The following YAP1 variants were observed in gnomAD, a reference collection of about 807,000 sequenced individuals.
YAP1 encodes the protein transcriptional coactivator YAP1.
Under a neutral mutation model 56.9 loss-of-function variants are expected in YAP1, and 5 were observed. That is an observed-to-expected ratio of 0.09 (90% CI 0.05 to 0.18). The LOEUF (loss-of-function observed/expected upper bound fraction) is 0.18, where lower values mean the gene tolerates loss of function less well. Among genes scored for constraint, YAP1 ranks in the 10% least tolerant of loss-of-function variants. The pLI is 1.00. For missense variants in YAP1, 539 were observed against 651.8 expected, an observed-to-expected ratio of 0.83 and a Z score of 1.88; for synonymous variants, 265 against 248.1, an observed-to-expected ratio of 1.07 and a Z score of -0.64.
intron 3 of YAP1, among the ~76,000 whole-genome samples, chr11:102,176,807 G>A (rs1450251173): frequency 1.4e-5 from 2 of 144,670 alleles, no homozygotes; most frequent in Admixed American, 1.4e-4. Flanking sequence ...GAAAACAATG[G>A]AGGCTGGGAG....
intron 1 of YAP1, among the ~76,000 whole-genome samples, chr11:102,112,142 T>TA (rs1282679569): frequency 2.6e-5 from 4 of 152,202 alleles, no homozygotes; most frequent in African/African-American, 9.6e-5. Context: ...CCTTTGATAA[T>TA]ACACTGCAGG....
rs1459375551 is a variant in YAP1, at chr11:102,233,144, ATGT to A, written c.*3209_*3211del. The A allele has an allele frequency of 6.6e-6, 1 of 152,216 alleles. No homozygotes were observed. Among genetic ancestry groups the A allele is most frequent in the Admixed American group, 6.5e-5 (1 of 15,280 alleles). The allele number at this position is 152,216 out of a possible 1,614,324, so 9.4% of individuals were successfully genotyped here. A position where few individuals can be genotyped will look rare whatever the true frequency, so the allele number is the denominator to read the frequency against. On this transcript the variant is annotated 3_prime_UTR_variant, in exon 9 of 9. Coordinates refer to ENST00000282441, the MANE Select transcript of YAP1 (RefSeq NM_001130145.3). ...TCAGGTGGATTTTATCCTCGCAAGC[ATGT>A]TGTTATAAGAATTGTGGGTGTGCCT...
intron 4 of YAP1, among the ~76,000 whole-genome samples, chr11:102,204,125 A>T (rs776906448): frequency 2.0e-5 from 3 of 151,722 alleles, no homozygotes; most frequent in Middle Eastern, 3.4e-3. Flanking sequence ...TGAGCCAGGT[A>T]TGATGCTCGC....
At chr11:102,179,125 G>A (rs1421359567) in intron 3 of YAP1, among the ~76,000 whole-genome samples, 1 of 149,790 alleles carries the variant, frequency 6.7e-6, no homozygotes, top group East Asian at 2.0e-4. Context: ...GAAATTTGGA[G>A]GGGACAAACA....
At chr11:102,217,890 G>T (rs1236394886) in intron 6 of YAP1, among the ~76,000 whole-genome samples, 1 of 151,898 alleles carries the variant, frequency 6.6e-6, no homozygotes, top group African/African-American at 2.4e-5. Context: ...TAGTAGAGAC[G>T]GGGTTTCTCC....
At chr11:102,114,530 A>C in intron 2 of YAP1, 136 bp downstream of exon 2, 1 of 1,085,566 alleles carries the variant, frequency 9.2e-7, no homozygotes, top group Non-Finnish European at 1.3e-6. Flanking sequence ...CTGTAGCTCT[A>C]TCTTCCATAT....
intron 4 of YAP1, among the ~76,000 whole-genome samples, chr11:102,204,987 A>G (rs1949047993): frequency 1.3e-5 from 2 of 152,166 alleles, no homozygotes; most frequent in African/African-American, 4.8e-5. Context: ...TTGAATATGT[A>G]TCTGAAAAGG....
At chr11:102,168,223 A>G (rs934183641) in intron 3 of YAP1, among the ~76,000 whole-genome samples, 13 of 152,172 alleles carry the variant, frequency 8.5e-5, no homozygotes, top group African/African-American at 2.4e-4. Context: ...CTCTATGTGT[A>G]TGATATATAT....
intron 2 of YAP1, among the ~76,000 whole-genome samples, chr11:102,120,355 G>A (rs1433660462): frequency 6.6e-6 from 1 of 152,214 alleles, no homozygotes; most frequent in Non-Finnish European, 1.5e-5. Flanking sequence ...CTCCTAGCAT[G>A]AGAAGAATCA....
At chr11:102,167,514 C>G (rs1393242817) in intron 3 of YAP1, among the ~76,000 whole-genome samples, 2 of 152,106 alleles carry the variant, frequency 1.3e-5, no homozygotes, top group Admixed American at 6.5e-5. Flanking sequence ...GTGGGTGGAT[C>G]ATGAGGTCAA....
At chr11:102,111,264 G>T in intron 1 of YAP1, 95 bp downstream of exon 1, 2 of 1,454,856 alleles carry the variant, frequency 1.4e-6, no homozygotes, top group Non-Finnish European at 1.9e-6. Context: ...GGTCAGGGGA[G>T]GGGGGTTGCG....
At chr11:102,181,168 A>G (rs1019324223) in intron 3 of YAP1, among the ~76,000 whole-genome samples, 2 of 149,526 alleles carry the variant, frequency 1.3e-5, no homozygotes, top group African/African-American at 5.0e-5. Flanking sequence ...ATAATAGGCC[A>G]GGCTCGGTGG....
intron 3 of YAP1, among the ~76,000 whole-genome samples, chr11:102,184,800 A>G (rs1172941643): frequency 6.6e-6 from 1 of 152,154 alleles, no homozygotes; most frequent in African/African-American, 2.4e-5. Context: ...GTGGGAGATG[A>G]GTGAAAAGAA....
At chr11:102,148,903 A>G (rs1028324987) in intron 2 of YAP1, among the ~76,000 whole-genome samples, 4 of 152,182 alleles carry the variant, frequency 2.6e-5, no homozygotes, top group Non-Finnish European at 5.9e-5. Context: ...TTTAACTATA[A>G]TCTTTTAATA....
In YAP1 at chr11:102,164,398, T is replaced by G. The variant is rs560754075; in HGVS notation, c.688+1827T>G. Reference sequence around the variant, plus strand: ...TAATATTTTTACTTGGCAACTATTATGTTTTTTTATTACCAAATTTTCAAA... The same window carrying G: ...TAATATTTTTACTTGGCAACTATTAGGTTTTTTTATTACCAAATTTTCAAA... On this transcript the variant is annotated intron_variant, in intron 3 of 8. Transcript: ENST00000282441. Among the ~76,000 whole-genome samples the G allele has an allele frequency of 3.3e-3, 503 of 152,350 alleles. 4 individuals are homozygous for G. Among genetic ancestry groups the G allele is most frequent in the Non-Finnish European group, 5.7e-3 (386 of 68,032 alleles).
intron 4 of YAP1, among the ~76,000 whole-genome samples, chr11:102,202,359 T>G (rs1441007497): frequency 6.6e-6 from 1 of 151,060 alleles, no homozygotes; most frequent in African/African-American, 2.4e-5. Context: ...TTTGGTATTT[T>G]TAGTAGAGAT....
At chr11:102,170,099 C>G (rs1591305176) in intron 3 of YAP1, among the ~76,000 whole-genome samples, 1 of 152,148 alleles carries the variant, frequency 6.6e-6, no homozygotes, top group South Asian at 2.1e-4. Flanking sequence ...TCGCTCTTGA[C>G]TTAGCTGCAT....
intron 6 of YAP1, among the ~76,000 whole-genome samples, chr11:102,221,301 C>T (rs1423944595): frequency 6.6e-6 from 1 of 152,044 alleles, no homozygotes; most frequent in Non-Finnish European, 1.5e-5. Flanking sequence ...CCTAGGTTCC[C>T]TCTCAGGACA....
intron 6 of YAP1, among the ~76,000 whole-genome samples, chr11:102,216,762 T>A (rs1341872993): frequency 1.3e-5 from 2 of 152,230 alleles, no homozygotes; most frequent in Non-Finnish European, 2.9e-5. Context: ...TTGTTAAACT[T>A]CTGTTTTCCC....
Sources: allele counts gnomAD v4.1 joint callset (sites outside exome capture counted in the v4.1 genomes callset), GRCh38; gene constraint gnomAD v4.1.1; transcripts MANE v1.5; gene names NCBI Gene and HGNC (gene_info 2026-07-23, HGNC 2026-07-21).